Variants in AKAP6 observed in about 807,000 individuals in gnomAD.
The protein encoded by AKAP6 is A-kinase anchoring protein 6, also known as A-kinase anchor protein 6.
In AKAP6, 58 loss-of-function variants were observed where a neutral mutation model predicts 188.5. That is an observed-to-expected ratio of 0.31 (90% CI 0.25 to 0.38). The LOEUF (loss-of-function observed/expected upper bound fraction) is 0.38. Ranked by LOEUF, AKAP6 falls within the 10% of genes least tolerant of loss-of-function variation. The pLI is 1.00. For synonymous variants in AKAP6, 989 were observed against 998.6 expected (o/e 0.99, Z 0.18); for missense variants, 2,710 against 2,740.0 (o/e 0.99, Z 0.24).
intron 7 of AKAP6, among the ~76,000 whole-genome samples, chr14:32,677,120 C>G (rs2139634174): frequency 6.6e-6 from 1 of 152,326 alleles, no homozygotes; most frequent in African/African-American, 2.4e-5. Context: ...ATCACCGCAC[C>G]CGGCCTGCAA....
intron 7 of AKAP6, among the ~76,000 whole-genome samples, chr14:32,663,032 TG>T (rs1713109093): frequency 6.6e-6 from 1 of 152,134 alleles, no homozygotes; most frequent in Non-Finnish European, 1.5e-5. Context: ...AATGGCGGCA[TG>T]TTTTTTTCTC....
intron 1 of AKAP6, among the ~76,000 whole-genome samples, chr14:32,418,760 T>C (rs1389453982): frequency 6.6e-6 from 1 of 152,174 alleles, no homozygotes; most frequent in Non-Finnish European, 1.5e-5. Flanking sequence ...TGCTATTTAT[T>C]TCATTGAGCA....
intron 8 of AKAP6, 60 bp from the exon 9 acceptor site, chr14:32,695,930 T>C: frequency 6.5e-7 from 1 of 1,527,748 alleles, no homozygotes; most frequent in Non-Finnish European, 8.8e-7. Flanking sequence ...ATTATTCTAA[T>C]ATAAGATTTT....
At chr14:32,600,872 A>G in intron 7 of AKAP6, 80 bp downstream of exon 7, 2 of 1,361,604 alleles carry the variant, frequency 1.5e-6, no homozygotes, top group Non-Finnish European at 2.0e-6. Flanking sequence ...TTTCTTTCCA[A>G]CCCTAAGGCT....
In AKAP6 at chr14:32,510,445, TATATAC is replaced by T. The variant is rs1396938342; in HGVS notation, c.325-25103_325-25098del. 7.5e-4 allele frequency among the ~76,000 whole-genome samples: 17 copies of T among 22,688 alleles called. 1 individual carries two copies. Among genetic ancestry groups the T allele is most frequent in the Non-Finnish European group, 1.2e-3 (12 of 10,368 alleles). 14.9% of individuals were successfully genotyped at this position (22,688 alleles called of 152,430 possible). A position where few individuals can be genotyped will look rare whatever the true frequency, so the allele number is the denominator to read the frequency against. ...ATATACATATATATATGTGTATATA[TATATAC>T]ATATATATGTGTATATATATATATA... On this transcript the variant is annotated intron_variant, in intron 2 of 13. Transcript: ENST00000280979.
intron 7 of AKAP6, among the ~76,000 whole-genome samples, chr14:32,669,080 G>A (rs1283811319): frequency 6.6e-6 from 1 of 152,052 alleles, no homozygotes; most frequent in African/African-American, 2.4e-5. Flanking sequence ...CTATTATGTA[G>A]TATAGTTTTT....
chr14:32,638,625 C>T (rs1206430797), intron 7 of AKAP6, among the ~76,000 whole-genome samples: 7 of 152,018 alleles, frequency 4.6e-5, no homozygotes, highest in Admixed American at 1.3e-4. Flanking sequence ...AGTAGGAAGA[C>T]CGCTTTTCTT....
At chr14:32,749,343 A>G (rs1594907797) in intron 11 of AKAP6, among the ~76,000 whole-genome samples, 1 of 152,360 alleles carries the variant, frequency 6.6e-6, no homozygotes, top group African/African-American at 2.4e-5. Flanking sequence ...AGCTTGGCAC[A>G]AAATTTTAAG....
At chr14:32,674,121 G>A (rs1371393272) in intron 7 of AKAP6, among the ~76,000 whole-genome samples, 1 of 152,166 alleles carries the variant, frequency 6.6e-6, no homozygotes, top group Non-Finnish European at 1.5e-5. Flanking sequence ...ACGTGCAAAG[G>A]TCCTGAGGCA....
intron 8 of AKAP6, among the ~76,000 whole-genome samples, chr14:32,690,947 G>A (rs1422985464): frequency 1.3e-5 from 2 of 152,132 alleles, no homozygotes; most frequent in South Asian, 2.1e-4. Flanking sequence ...GTATATATGA[G>A]TTTGCTTTAT....
At chr14:32,552,197 C>T (rs192776346) in intron 4 of AKAP6, among the ~76,000 whole-genome samples, 40 of 152,272 alleles carry the variant, frequency 2.6e-4, no homozygotes, top group Admixed American at 1.4e-3. Flanking sequence ...GAAAGATGAA[C>T]GAACAATTTT....
chr14:32,599,917 T>A (rs1240366386), intron 6 of AKAP6, among the ~76,000 whole-genome samples: 1 of 152,230 alleles, frequency 6.6e-6, no homozygotes, highest in African/African-American at 2.4e-5. Context: ...GTCTAAATTA[T>A]TTCCCTGCCG....
At chr14:32,409,974 C>T (rs951684597) in intron 1 of AKAP6, among the ~76,000 whole-genome samples, 2 of 152,062 alleles carry the variant, frequency 1.3e-5, no homozygotes, top group Admixed American at 1.3e-4. Flanking sequence ...TTTATTTAAC[C>T]CTGTGTAACG....
Position 32,821,498 on chromosome 14 carries a change from A to G in AKAP6, c.3685A>G (p.Ile1229Val), listed in dbSNP as rs144998647. The change falls in exon 13 of 14, where the codon ATT becomes GTT. Residue 1229 changes from isoleucine (I) to valine (V), a missense_variant. Physicochemically the swap from Ile to Val is conservative, Grantham distance 29. Coordinates refer to ENST00000280979, the MANE Select transcript of AKAP6 (RefSeq NM_004274.5). Reference protein sequence around the residue: ...WDEMDISNKLISLNEESNDLD... With the variant: ...WDEMDISNKLVSLNEESNDLD... ...TGAAATGGACATAAGTAACAAGTTA[A>G]TTAGTTTGAATGAGGAATCAAATGA... The G allele has an allele frequency of 2.5e-6, 4 of 1,613,656 alleles. No individual in the cohort carries two copies. Among genetic ancestry groups the G allele is most frequent in the Non-Finnish European group, 3.4e-6 (4 of 1,179,822 alleles).
intron 2 of AKAP6, among the ~76,000 whole-genome samples, chr14:32,526,923 T>G (rs1882160251): frequency 6.6e-6 from 1 of 152,192 alleles, no homozygotes; most frequent in Admixed American, 6.5e-5. Context: ...ACTAGGGTGG[T>G]ACATTTGTTA....
At chr14:32,419,978 A>G (rs1397169883) in intron 1 of AKAP6, among the ~76,000 whole-genome samples, 3 of 152,190 alleles carry the variant, frequency 2.0e-5, no homozygotes, top group East Asian at 1.9e-4. Flanking sequence ...CTATCTCCTT[A>G]TCCTCCATTT....
intron 4 of AKAP6, among the ~76,000 whole-genome samples, chr14:32,550,057 A>G (rs909927603): frequency 6.6e-6 from 1 of 152,254 alleles, no homozygotes; most frequent in Non-Finnish European, 1.5e-5. Context: ...TTCAGGAGCC[A>G]TTCAGTGATT....
At chr14:32,349,796 A>G (rs925366826) in intron 1 of AKAP6, among the ~76,000 whole-genome samples, 16 of 152,172 alleles carry the variant, frequency 1.1e-4, no homozygotes, top group African/African-American at 3.1e-4. Flanking sequence ...TCCTTCAAGT[A>G]ATGGCTAATA....
At chr14:32,818,519 G>A (rs1387244989) in intron 12 of AKAP6, among the ~76,000 whole-genome samples, 1 of 142,426 alleles carries the variant, frequency 7.0e-6, no homozygotes, top group Non-Finnish European at 1.5e-5. Flanking sequence ...TTTTTTTTTT[G>A]TAACCGTGAA....
Sources: gnomAD v4.1 joint callset for allele counts (sites outside exome capture counted in the v4.1 genomes callset) on GRCh38, gnomAD v4.1.1 for gene constraint, MANE v1.5 for transcripts, NCBI Gene and HGNC (gene_info 2026-07-23, HGNC 2026-07-21) for gene names.